VAV3: variants seen among roughly 807,000 people sequenced by gnomAD.
VAV3 encodes guanine nucleotide exchange factor VAV3.
In VAV3, 94 loss-of-function variants were observed where a neutral mutation model predicts 131.2. The observed-to-expected ratio is 0.72, with a 90% CI of 0.61 to 0.85. VAV3 has a LOEUF of 0.85. Ranked by LOEUF, VAV3 falls within the 40% of genes least tolerant of loss-of-function variation. VAV3 has a pLI of 0.00. For synonymous variants in VAV3, 349 were observed against 342.0 expected (o/e 1.02, Z -0.22); for missense variants, 939 against 1,002.7 (o/e 0.94, Z 0.86).
At chr1:107,588,542 A>G (rs1650686254) in intron 25 of VAV3, among the ~76,000 whole-genome samples, 1 of 152,208 alleles carries the variant, frequency 6.6e-6, no homozygotes, top group African/African-American at 2.4e-5. Context: ...TGCTATTCTC[A>G]GTATTTCACA....
chr1:107,753,778 T>C (rs181338850), intron 12 of VAV3, among the ~76,000 whole-genome samples: 127 of 151,960 alleles, frequency 8.4e-4, no homozygotes, highest in African/African-American at 2.9e-3. Flanking sequence ...CAGTCTGGTC[T>C]TAAACTCCTG....
At chr1:107,606,959 T>A (rs200175624) in intron 22 of VAV3, among the ~76,000 whole-genome samples, 94 of 1,136 alleles carry the variant, frequency 0.083, no homozygotes, top group South Asian at 0.32. Context: ...GAGTCTGATC[T>A]TTTTTTTTTT....
At chr1:107,910,764 G>T (rs189403327) in intron 1 of VAV3, among the ~76,000 whole-genome samples, 1 of 152,034 alleles carries the variant, frequency 6.6e-6, no homozygotes, top group African/African-American at 2.4e-5. Context: ...CAAATCACCC[G>T]ATGTCAGGAG....
Position 107,790,845 on chromosome 1 carries a change from G to A in VAV3, c.322-11353C>T, listed in dbSNP as rs561214273. On this transcript the variant is annotated intron_variant, in intron 2 of 26. Coordinates refer to ENST00000370056, the MANE Select transcript of VAV3 (RefSeq NM_006113.5). ...TTGGATTACAGGCACCTGCCACCAC[G>A]CCCAGCTAATTTTTGTATTTTTACT... is the stretch of plus-strand genomic sequence containing the variant. 3.2e-3 allele frequency among the ~76,000 whole-genome samples: 480 copies of A among 151,712 alleles called. 2 individuals carry two copies. The highest frequency in any genetic ancestry group is 0.011 in the African/African-American group (439 of 41,370).
At chr1:107,910,337 C>A (rs919049315) in intron 1 of VAV3, among the ~76,000 whole-genome samples, 6 of 152,244 alleles carry the variant, frequency 3.9e-5, no homozygotes, top group African/African-American at 1.4e-4. Context: ...AAAATCCCCT[C>A]TTCCGTGTCC....
chr1:107,653,420 A>G (rs1656316306), intron 19 of VAV3, among the ~76,000 whole-genome samples: 1 of 152,104 alleles, frequency 6.6e-6, no homozygotes, highest in South Asian at 2.1e-4. Context: ...AAATGGTGCT[A>G]CAATTAAAAT....
At chr1:107,942,461 T>TA (rs952785212) in intron 1 of VAV3, among the ~76,000 whole-genome samples, 6 of 152,148 alleles carry the variant, frequency 3.9e-5, no homozygotes, top group Admixed American at 2.0e-4. Flanking sequence ...CTGAACCTGG[T>TA]AAAAAAATTT....
chr1:107,737,900 G>A (rs1662763218), intron 15 of VAV3, among the ~76,000 whole-genome samples: 1 of 152,152 alleles, frequency 6.6e-6, no homozygotes, highest in Admixed American at 6.5e-5. Context: ...AAAGACACAT[G>A]CCCATGTATG....
intron 2 of VAV3, among the ~76,000 whole-genome samples, chr1:107,790,790 C>A (rs563335787): frequency 7.1e-6 from 1 of 141,258 alleles, no homozygotes; most frequent in Non-Finnish European, 1.5e-5. Flanking sequence ...CAGGTTAAAG[C>A]GATTCTCCTG....
chr1:107,788,888 C>A (rs1224995941), intron 2 of VAV3, among the ~76,000 whole-genome samples: 4 of 152,162 alleles, frequency 2.6e-5, no homozygotes, highest in Non-Finnish European at 4.4e-5. Context: ...GATTACATGG[C>A]AATTTTAATA....
rs921645000 is a variant in VAV3, at chr1:107,572,454, A to G, written c.*877T>C. ...TAATAGATACTGCTGCTATAAAATG[A>G]CATAAATTATAGCCCTTGATCTGTT... On this transcript the variant is annotated 3_prime_UTR_variant, in exon 27 of 27. Transcript: ENST00000370056. The G allele has an allele frequency of 6.5e-6, 1 of 152,716 alleles. No individual in the cohort carries two copies. Among genetic ancestry groups the G allele is most frequent in the Non-Finnish European group, 1.5e-5 (1 of 68,036 alleles). The allele number at this position is 152,716 out of a possible 1,614,324, so 9.5% of individuals were successfully genotyped here. A position where few individuals can be genotyped will look rare whatever the true frequency, so the allele number is the denominator to read the frequency against.
chr1:107,899,256 C>G (rs1398869335), intron 1 of VAV3, among the ~76,000 whole-genome samples: 1 of 152,076 alleles, frequency 6.6e-6, no homozygotes, highest in Non-Finnish European at 1.5e-5. Flanking sequence ...AAGAGAGTGT[C>G]AAGGGCACAG....
At chr1:107,878,017 A>AT (rs1366173731) in intron 1 of VAV3, among the ~76,000 whole-genome samples, 5 of 151,902 alleles carry the variant, frequency 3.3e-5, no homozygotes, top group Admixed American at 1.3e-4. Flanking sequence ...TACCAAACTG[A>AT]TTTTTTTTCC....
At chr1:107,619,285 C>T (rs575641702) in intron 20 of VAV3, among the ~76,000 whole-genome samples, 26 of 152,106 alleles carry the variant, frequency 1.7e-4, no homozygotes, top group Non-Finnish European at 3.1e-4. Context: ...TTTACAGAAA[C>T]TAGTGAAACA....
At chr1:107,750,718 A>C (rs1275795317) in intron 13 of VAV3, among the ~76,000 whole-genome samples, 1 of 152,218 alleles carries the variant, frequency 6.6e-6, no homozygotes. Flanking sequence ...AATTTCCCTC[A>C]AGAAAATATT....
chr1:107,946,589 A>G (rs1334539493), intron 1 of VAV3, among the ~76,000 whole-genome samples: 1 of 152,212 alleles, frequency 6.6e-6, no homozygotes, highest in Non-Finnish European at 1.5e-5. Flanking sequence ...CCAAAGGGGG[A>G]AAATAATCTG....
At chr1:107,698,880 C>T (rs1361423246) in intron 17 of VAV3, among the ~76,000 whole-genome samples, 2 of 152,118 alleles carry the variant, frequency 1.3e-5, no homozygotes, top group Non-Finnish European at 2.9e-5. Context: ...ATCAGATCTC[C>T]TGAGAACTTA....
intron 15 of VAV3, 58 bp downstream of exon 15, chr1:107,748,910 A>G: frequency 8.0e-7 from 1 of 1,249,892 alleles, no homozygotes; most frequent in East Asian, 2.5e-5. Flanking sequence ...GTTGTTCATT[A>G]TTCATAAGTG....
rs746638661 is a variant in VAV3 at position 107,755,433 on chromosome 1, C to A, written c.1167G>T (p.Glu389Asp). ...REIKQFQLSI[E>D]NLNQPVLLFG... ...TGGAAAGATAATTACATACCAAATT[C>A]TCTATAGATAGCTGAAACTGTTTAA... is the stretch of plus-strand genomic sequence containing the variant. Residue 389 changes from glutamate to aspartate, a missense_variant, in exon 12 of 27, where the codon GAG (glutamate) becomes GAT (aspartate). By Grantham distance (45) the Glu-to-Asp change is conservative. Coordinates refer to ENST00000370056, the MANE Select transcript of VAV3 (RefSeq NM_006113.5). The A allele has an allele frequency of 1.9e-6, 3 of 1,608,484 alleles. No homozygotes were observed. The highest frequency in any genetic ancestry group is 2.6e-6 in the Non-Finnish European group (3 of 1,175,042).
Sources: allele counts gnomAD v4.1 joint callset (sites outside exome capture counted in the v4.1 genomes callset), GRCh38; gene constraint gnomAD v4.1.1; transcripts MANE v1.5; gene names NCBI Gene and HGNC (gene_info 2026-07-23, HGNC 2026-07-21).